ADAMTS9: variants seen among roughly 807,000 people sequenced by gnomAD.
ADAMTS9 encodes A disintegrin and metalloproteinase with thrombospondin motifs 9.
Under a neutral mutation model 257.1 loss-of-function variants are expected in ADAMTS9, and 107 were observed. The observed-to-expected ratio is 0.42, with a 90% CI of 0.36 to 0.49. The LOEUF (loss-of-function observed/expected upper bound fraction) is 0.49. Among genes scored for constraint, ADAMTS9 ranks in the 20% least tolerant of loss-of-function variants. The pLI, the probability that ADAMTS9 is intolerant of heterozygous loss-of-function variation, is 0.03. For synonymous variants in ADAMTS9, 982 were observed against 880.9 expected (o/e 1.11, Z -2.03); for missense variants, 2,353 against 2,469.1 (o/e 0.95, Z 1.00).
intron 38 of ADAMTS9, among the ~76,000 whole-genome samples, chr3:64,523,912 A>G: frequency 6.6e-6 from 1 of 152,332 alleles, no homozygotes; most frequent in East Asian, 1.9e-4. Context: ...TTCAACACTT[A>G]ATGGCTCTGA....
chr3:64,635,764 T>G (rs576137283), intron 12 of ADAMTS9, among the ~76,000 whole-genome samples: 1 of 152,206 alleles, frequency 6.6e-6, no homozygotes, highest in Non-Finnish European at 1.5e-5. Context: ...TCTTTTTTTT[T>G]CTTTTCTTTT....
chr3:64,546,184 A>G (rs2083196149), intron 32 of ADAMTS9, among the ~76,000 whole-genome samples: 1 of 152,164 alleles, frequency 6.6e-6, no homozygotes, highest in African/African-American at 2.4e-5. Context: ...CTTTTTATAT[A>G]TAGGCTGAGT....
At chr3:64,641,577 T>C (rs375341268) in intron 12 of ADAMTS9, among the ~76,000 whole-genome samples, 30 of 148,672 alleles carry the variant, frequency 2.0e-4, no homozygotes, top group African/African-American at 3.2e-4. Context: ...ACCTGCCTGA[T>C]TGTCAACACT....
At chr3:64,635,523 C>T (rs920454365) in intron 12 of ADAMTS9, among the ~76,000 whole-genome samples, 2 of 152,142 alleles carry the variant, frequency 1.3e-5, no homozygotes, top group South Asian at 2.1e-4. Context: ...CACAATTAAG[C>T]CCATATACTG....
At chr3:64,595,215 T>C (rs1396015218) in intron 27 of ADAMTS9, among the ~76,000 whole-genome samples, 5 of 152,202 alleles carry the variant, frequency 3.3e-5, no homozygotes, top group Admixed American at 3.3e-4. Flanking sequence ...TCCGTCTCCA[T>C]AGCCCTTTAT....
At chr3:64,656,149 T>C (rs961446028) in intron 4 of ADAMTS9, 1 of 278,046 alleles carries the variant, frequency 3.6e-6, no homozygotes, top group Non-Finnish European at 6.7e-6. Flanking sequence ...ACCAGAACAC[T>C]GGATATTAAT....
At chr3:64,670,720 C>T (rs189114184) in intron 3 of ADAMTS9, among the ~76,000 whole-genome samples, 27 of 152,200 alleles carry the variant, frequency 1.8e-4, no homozygotes, top group African/African-American at 4.1e-4. Context: ...CTTGAACAGA[C>T]GCTTCACCAA....
chr3:64,635,558 TGG>T (rs1700475893), intron 12 of ADAMTS9, among the ~76,000 whole-genome samples: 1 of 152,198 alleles, frequency 6.6e-6, no homozygotes, highest in Non-Finnish European at 1.5e-5. Flanking sequence ...TCATTCAAAC[TGG>T]GAAATCTCCT....
chr3:64,684,285 G>T (rs941523926), intron 2 of ADAMTS9, among the ~76,000 whole-genome samples: 2 of 151,918 alleles, frequency 1.3e-5, no homozygotes, highest in Admixed American at 1.3e-4. Flanking sequence ...TAAGGAGAGA[G>T]GGGGAGAAAA....
chr3:64,537,880 A>C (rs1041377648), intron 37 of ADAMTS9, among the ~76,000 whole-genome samples: 2 of 152,202 alleles, frequency 1.3e-5, no homozygotes, highest in Non-Finnish European at 1.5e-5. Context: ...GTAAAGACTA[A>C]CGTCTGCTTT....
At chr3:64,669,486 G>A (rs1008516478) in intron 3 of ADAMTS9, among the ~76,000 whole-genome samples, 1 of 152,012 alleles carries the variant, frequency 6.6e-6, no homozygotes. Flanking sequence ...CGAAGTTCTG[G>A]GCCTTGATCC....
intron 28 of ADAMTS9, among the ~76,000 whole-genome samples, chr3:64,585,287 C>T (rs781269080): frequency 5.3e-5 from 8 of 152,148 alleles, no homozygotes; most frequent in Non-Finnish European, 1.0e-4. Flanking sequence ...GTTCATCTTA[C>T]CAAGTTCCCA....
intron 22 of ADAMTS9, among the ~76,000 whole-genome samples, chr3:64,612,505 G>A (rs967137055): frequency 6.6e-6 from 1 of 152,158 alleles, no homozygotes; most frequent in African/African-American, 2.4e-5. Flanking sequence ...AAATTGTAAG[G>A]GTGCCATAAT....
chr3:64,541,034 G>T (rs531246748), intron 36 of ADAMTS9, 61 bp downstream of exon 36: 3 of 1,600,150 alleles, frequency 1.9e-6, no homozygotes, highest in Non-Finnish European at 1.7e-6. Context: ...TGCAAGACAT[G>T]CTTGCTGTCT....
chr3:64,598,829 G>C (rs2084409008), intron 26 of ADAMTS9, among the ~76,000 whole-genome samples: 1 of 152,042 alleles, frequency 6.6e-6, no homozygotes, highest in Non-Finnish European at 1.5e-5. Flanking sequence ...TCACCTGTCA[G>C]CTTTATTGCC....
At chr3:64,567,608 C>T (rs2083575612) in intron 29 of ADAMTS9, among the ~76,000 whole-genome samples, 1 of 151,880 alleles carries the variant, frequency 6.6e-6, no homozygotes, top group Non-Finnish European at 1.5e-5. Context: ...GTTTCAAGTT[C>T]AATAGGGAAA....
At chr3:64,558,713 G>A (rs1253146863) in intron 30 of ADAMTS9, among the ~76,000 whole-genome samples, 1 of 152,134 alleles carries the variant, frequency 6.6e-6, no homozygotes, top group African/African-American at 2.4e-5. Context: ...GGTTTTAATA[G>A]TCCACATAGG....
intron 30 of ADAMTS9, among the ~76,000 whole-genome samples, chr3:64,555,326 G>GAA (rs2083319679): frequency 6.6e-6 from 1 of 152,166 alleles, no homozygotes; most frequent in Admixed American, 6.5e-5. Flanking sequence ...GGTGCGGTGG[G>GAA]GAGAAGGAGG....
chr3:64,540,320 T>C (rs2083103873), intron 36 of ADAMTS9, among the ~76,000 whole-genome samples: 1 of 152,182 alleles, frequency 6.6e-6, no homozygotes. Context: ...TGAGGAAAAA[T>C]TAATTATTCA....
Sources: allele counts gnomAD v4.1 joint callset (sites outside exome capture counted in the v4.1 genomes callset), GRCh38; gene constraint gnomAD v4.1.1; transcripts MANE v1.5; gene names NCBI Gene and HGNC (gene_info 2026-07-23, HGNC 2026-07-21).